The following UNC80 variants were observed in gnomAD, a reference collection of about 807,000 sequenced individuals.
UNC80 encodes protein unc-80 homolog.
In UNC80, 164 loss-of-function variants were observed where a neutral mutation model predicts 384.6. That is an observed-to-expected ratio of 0.43 (90% CI 0.38 to 0.49). The LOEUF is 0.49. Ranked by LOEUF, UNC80 falls within the 20% of genes least tolerant of loss-of-function variation. The pLI is 0.00. For synonymous variants in UNC80, 1,486 were observed against 1,527.8 expected (o/e 0.97, Z 0.64); for missense variants, 3,330 against 4,143.0 (o/e 0.80, Z 5.39).
At chr2:209,862,383 T>C (rs1486565364) in intron 22 of UNC80, among the ~76,000 whole-genome samples, 2 of 152,170 alleles carry the variant, frequency 1.3e-5, no homozygotes, top group Non-Finnish European at 2.9e-5. Flanking sequence ...TTCTCGTTAA[T>C]TTTCTGTCTC....
At chr2:209,888,313 G>C (rs910723822) in intron 26 of UNC80, 53 bp downstream of exon 26, 1 of 1,538,072 alleles carries the variant, frequency 6.5e-7, no homozygotes, top group African/African-American at 1.4e-5. Flanking sequence ...TTTCTCATAG[G>C]ATATTTGCAC....
chr2:209,863,639 T>C (rs2083496028), intron 22 of UNC80, among the ~76,000 whole-genome samples: 1 of 151,966 alleles, frequency 6.6e-6, no homozygotes, highest in African/African-American at 2.4e-5. Context: ...CTATTGATAC[T>C]TGTGTGTGCT....
intron 29 of UNC80, among the ~76,000 whole-genome samples, chr2:209,911,734 T>C (rs2088968302): frequency 6.6e-6 from 1 of 152,202 alleles, no homozygotes; most frequent in Non-Finnish European, 1.5e-5. Context: ...GGAGAACGAT[T>C]CCCTCTTTGC....
intron 31 of UNC80, among the ~76,000 whole-genome samples, chr2:209,915,421 A>G (rs934979801): frequency 6.6e-6 from 1 of 151,480 alleles, no homozygotes; most frequent in Non-Finnish European, 1.5e-5. Flanking sequence ...AAAAAAAAAA[A>G]AAACAAAAAC....
At chr2:209,831,944 G>C (rs989896083) in intron 16 of UNC80, among the ~76,000 whole-genome samples, 3 of 152,138 alleles carry the variant, frequency 2.0e-5, no homozygotes, top group African/African-American at 4.8e-5. Context: ...AGTATTATTT[G>C]AAGCCATATT....
intron 25 of UNC80, among the ~76,000 whole-genome samples, chr2:209,885,857 GTGATTCTCC>G (rs2085751905): frequency 6.6e-6 from 1 of 150,830 alleles, no homozygotes; most frequent in African/African-American, 2.4e-5. Context: ...CCAGTTTTAA[GTGATTCTCC>G]TGATTCTCCT....
At chr2:209,855,318 G>A (rs2082827390) in intron 22 of UNC80, among the ~76,000 whole-genome samples, 1 of 151,930 alleles carries the variant, frequency 6.6e-6, no homozygotes, top group Non-Finnish European at 1.5e-5. Context: ...GGGGGGCAGG[G>A]GAAGGGAGAG....
chr2:209,936,930 T>G lies in UNC80; in HGVS notation c.6360T>G (p.Asn2120Lys). The G allele has an allele frequency of 6.5e-7, 1 of 1,544,052 alleles. No individual in the cohort carries two copies. Among genetic ancestry groups the G allele is most frequent in the Non-Finnish European group, 8.8e-7 (1 of 1,140,138 alleles). The stretch of plus-strand genomic sequence containing the variant: ...AACGATGGAACCTTATCCACTACAA[T>G]AAGGTGAGACACCAGTAGTGACATC... ...MDKRWNLIHY[N>K]KTYVRDIYPF... The change falls in exon 41 of 65, where the codon AAT (asparagine) becomes AAG (lysine). Residue 2120 changes from asparagine (N) to lysine (K), a missense_variant. Physicochemically the swap from Asn to Lys is moderately conservative, Grantham distance 94. This residue lies in a region of UNC80 where 1,049 missense variants were observed against 1,488.6 expected (regional missense o/e 0.70). Transcript: ENST00000673920.
intron 40 of UNC80, among the ~76,000 whole-genome samples, chr2:209,936,628 A>C (rs1161204411): frequency 6.6e-6 from 1 of 151,914 alleles, no homozygotes; most frequent in African/African-American, 2.4e-5. Context: ...GTATGTGTGT[A>C]TATATATGTG....
chr2:209,959,054 A>C, intron 49 of UNC80, 65 bp from the exon 50 acceptor site: 1 of 1,407,578 alleles, frequency 7.1e-7, no homozygotes, highest in Non-Finnish European at 9.8e-7. Context: ...AGTCGATAAG[A>C]AGCCCCAACC....
At chr2:209,913,993 C>T in intron 31 of UNC80, 53 bp downstream of exon 31, 1 of 1,486,102 alleles carries the variant, frequency 6.7e-7, no homozygotes, top group Non-Finnish European at 9.0e-7. Flanking sequence ...TGTTACTGAT[C>T]CAAGTGTTTA....
intron 13 of UNC80, among the ~76,000 whole-genome samples, chr2:209,821,981 A>C (rs112585963): frequency 2.6e-5 from 4 of 152,294 alleles, no homozygotes; most frequent in African/African-American, 9.6e-5. Flanking sequence ...TTCACATCTG[A>C]GCAAGCGTTG....
chr2:209,869,631 A>G (rs537111412), intron 22 of UNC80, among the ~76,000 whole-genome samples: 5 of 152,270 alleles, frequency 3.3e-5, no homozygotes, highest in African/African-American at 1.2e-4. Flanking sequence ...ATTATAATAA[A>G]AAGGCAATAT....
intron 7 of UNC80, among the ~76,000 whole-genome samples, chr2:209,807,404 G>A (rs1212791344): frequency 1.6e-4 from 22 of 133,638 alleles, no homozygotes; most frequent in Admixed American, 1.2e-3. Context: ...TTGCTGTGTC[G>A]CCCAGGCTGG....
At position 209,995,866 on chromosome 2, in the gene UNC80, T is replaced by C. The variant is rs2093475833; in HGVS notation, c.*271T>C. 2.6e-6 allele frequency: 1 copy of C among 377,562 alleles called. No individual in the cohort carries two copies. The highest frequency in any genetic ancestry group is 3.1e-5 in the South Asian group (1 of 32,196). 23.4% of individuals were successfully genotyped at this position (377,562 alleles called of 1,614,324 possible). ...CCATTTCACTGCACATTGTTTATGA[T>C]TCAAGAAGCCTTCAGCAGTTAAAAA... On this transcript the variant is annotated 3_prime_UTR_variant, in exon 65 of 65. Transcript: ENST00000673920.
chr2:209,862,927 G>A (rs1414629583), intron 22 of UNC80, among the ~76,000 whole-genome samples: 2 of 152,002 alleles, frequency 1.3e-5, no homozygotes, highest in Non-Finnish European at 2.9e-5. Flanking sequence ...TCTTCATAGT[G>A]TCATTGGTCT....
chr2:209,941,318 G>A lies in UNC80; in HGVS notation c.6744G>A (p.Trp2248Ter). ...TGGGCATGCCGAGCGAGTTTCCATG[G>A]GGAGACGAAATCATGCTTTTCCTCA... The part of the protein sequence containing the change: ...MFLGMPSEFP[W>*]GDEIMLFLNV... Residue 2248 changes from tryptophan (W) to a stop codon, truncating the protein, a stop_gained, in exon 44 of 65, where the codon TGG becomes TGA. Transcript: ENST00000673920. LOFTEE classifies it high-confidence loss of function. 1.3e-6 allele frequency: 2 copies of A among 1,550,774 alleles called. No individual in the cohort carries two copies. Among genetic ancestry groups the A allele is most frequent in the Non-Finnish European group, 8.7e-7 (1 of 1,146,230 alleles).
At position 209,777,252 on chromosome 2, in the gene UNC80, A is replaced by G; in HGVS notation, c.299-6A>G. ...CTTAACCTGCCTGTGTAATTGTCCC[A>G]TGCAGGCCACCAGGATAAATTGGGT... On this transcript the variant is annotated splice_polypyrimidine_tract_variant and splice_region_variant and intron_variant, in intron 3 of 64. Transcript: ENST00000673920. The G allele has an allele frequency of 1.3e-6, 2 of 1,578,490 alleles. No individual in the cohort carries two copies. The highest frequency in any genetic ancestry group is 1.7e-6 in the Non-Finnish European group (2 of 1,164,380).
In UNC80 at chr2:209,923,757, G is replaced by A. The variant is rs76265215; in HGVS notation, c.5662+1374G>A. Among the ~76,000 whole-genome samples the A allele has an allele frequency of 1.4e-4, 22 of 152,142 alleles. No individual in the cohort carries two copies. In the East Asian group the frequency reaches 4.1e-3, roughly 28 times the overall value. On this transcript the variant is annotated intron_variant, in intron 35 of 64. Coordinates refer to ENST00000673920, the MANE Select transcript of UNC80 (RefSeq NM_001371986.1). The stretch of plus-strand genomic sequence containing the variant: ...TCCACATCATTTTTTATTGCTATCT[G>A]TATGGCATATCTTCTTTCATCCTTT...
Sources: gnomAD v4.1 joint callset for allele counts (sites outside exome capture counted in the v4.1 genomes callset) on GRCh38, gnomAD v4.1.1 for gene constraint, gnomAD v4.1.1 regional missense constraint, MANE v1.5 for transcripts, NCBI Gene and HGNC (gene_info 2026-07-23, HGNC 2026-07-21) for gene names.